Variants in DCTN4 observed in about 807,000 individuals in gnomAD.
DCTN4 encodes the protein dynactin 4 (p62).
Under a neutral mutation model 62.7 loss-of-function variants are expected in DCTN4, and 23 were observed. The observed-to-expected ratio is 0.37, with a 90% CI of 0.26 to 0.52. The LOEUF is 0.52. Among genes scored for constraint, DCTN4 ranks in the 20% least tolerant of loss-of-function variants. The pLI is 0.92. For missense variants in DCTN4, 514 were observed against 580.4 expected (o/e 0.89, Z 1.18); for synonymous variants, 199 against 202.1 (o/e 0.98, Z 0.13).
intron 1 of DCTN4, chr5:150,758,141 T>A: frequency 1.0e-6 from 1 of 985,570 alleles, no homozygotes; most frequent in Non-Finnish European, 1.2e-6. Flanking sequence ...GCTTACTGAA[T>A]AAACAAGATG....
At chr5:150,732,297 G>A (rs1453754411) in intron 5 of DCTN4, among the ~76,000 whole-genome samples, 2 of 152,132 alleles carry the variant, frequency 1.3e-5, no homozygotes, top group African/African-American at 2.4e-5. Context: ...TTATAGGCGT[G>A]CGCCACCATG....
At chr5:150,727,785 A>ACC (rs1393930685) in intron 8 of DCTN4, among the ~76,000 whole-genome samples, 11 of 150,388 alleles carry the variant, frequency 7.3e-5, no homozygotes, top group African/African-American at 2.7e-4. Flanking sequence ...CAAAAAAAAA[A>ACC]AAAAAAAAAA....
At chr5:150,742,069 AT>A in intron 4 of DCTN4, 44 bp downstream of exon 4, 1 of 1,574,836 alleles carries the variant, frequency 6.3e-7, no homozygotes, top group Non-Finnish European at 8.7e-7. Context: ...CTTTTACTCA[AT>A]TTTTTCCGAT....
At chr5:150,717,898 T>C (rs1236287064) in intron 11 of DCTN4, among the ~76,000 whole-genome samples, 1 of 152,212 alleles carries the variant, frequency 6.6e-6, no homozygotes, top group Non-Finnish European at 1.5e-5. Flanking sequence ...GTAATGTCAT[T>C]AAGCAGCTCT....
intron 3 of DCTN4, 65 bp downstream of exon 3, chr5:150,753,414 A>C (rs1032331450): frequency 6.9e-7 from 1 of 1,447,510 alleles, no homozygotes; most frequent in Admixed American, 1.9e-5. Context: ...CAGAAATAAT[A>C]ATCTATGGGC....
In DCTN4 at chr5:150,714,092, T is replaced by G. The variant is rs186229188; in HGVS notation, c.1169+1473A>C. Among the ~76,000 whole-genome samples the G allele has an allele frequency of 7.6e-4, 115 of 152,310 alleles. 1 individual carries two copies. The highest frequency in any genetic ancestry group is 1.2e-4 in the Non-Finnish European group (8 of 68,034). ...GAGATCACGCCATTGCACTCCAGCC[T>G]GGGCGACAGAGACTCCTTCTCTAAA... On this transcript the variant is annotated intron_variant, in intron 12 of 12. Coordinates refer to ENST00000447998, the MANE Select transcript of DCTN4 (RefSeq NM_016221.4).
At chr5:150,734,838 G>C (rs1165760415) in intron 4 of DCTN4, among the ~76,000 whole-genome samples, 1 of 152,198 alleles carries the variant, frequency 6.6e-6, no homozygotes, top group Non-Finnish European at 1.5e-5. Flanking sequence ...TGGCTGCATG[G>C]GAGCTGGGTG....
In DCTN4 at chr5:150,717,288, C is replaced by T. The variant is rs554644853; in HGVS notation, c.1071+988G>A. ...TTTTGAGATGGAGTCTCACCTCAGC[C>T]GCCCAGGCTGGAGTGCAGTGGCGCG... On this transcript the variant is annotated intron_variant, in intron 11 of 12. Transcript: ENST00000447998. 3.3e-5 allele frequency among the ~76,000 whole-genome samples: 5 copies of T among 152,196 alleles called. No individual in the cohort carries two copies. The East Asian group carries it at 9.7e-4, about 29-fold the overall frequency.
At chr5:150,726,566 A>G (rs1192312606) in intron 8 of DCTN4, among the ~76,000 whole-genome samples, 2 of 152,246 alleles carry the variant, frequency 1.3e-5, no homozygotes, top group East Asian at 3.8e-4. Context: ...TGTTTTTAAT[A>G]GTATCAGCTG....
At chr5:150,756,627 C>T (rs569664317) in intron 1 of DCTN4, 140 bp from the exon 2 acceptor site, 6 of 365,148 alleles carry the variant, frequency 1.6e-5, no homozygotes, top group African/African-American at 8.0e-5. Flanking sequence ...GTTTATTCTT[C>T]TTCAGTCACC....
At chr5:150,747,451 T>C (rs1318362284) in intron 3 of DCTN4, among the ~76,000 whole-genome samples, 1 of 152,160 alleles carries the variant, frequency 6.6e-6, no homozygotes, top group Non-Finnish European at 1.5e-5. Context: ...TTAAAGTTCA[T>C]ATGGAACTAA....
intron 6 of DCTN4, 36 bp downstream of exon 6, chr5:150,731,380 C>T: frequency 1.0e-5 from 16 of 1,528,168 alleles, no homozygotes; most frequent in Non-Finnish European, 1.4e-5. Context: ...TTGATACCTG[C>T]TGTTCTCCTC....
chr5:150,740,077 A>T (rs751164928), intron 4 of DCTN4, among the ~76,000 whole-genome samples: 4 of 152,068 alleles, frequency 2.6e-5, no homozygotes. Flanking sequence ...AATAAATGGA[A>T]CTTAAACTAA....
At chr5:150,717,880 A>C (rs1759823389) in intron 11 of DCTN4, among the ~76,000 whole-genome samples, 1 of 152,214 alleles carries the variant, frequency 6.6e-6, no homozygotes, top group African/African-American at 2.4e-5. Context: ...CACTGGAAGA[A>C]CAGAGAAGTA....
intron 9 of DCTN4, among the ~76,000 whole-genome samples, chr5:150,722,616 T>C (rs1476137129): frequency 6.6e-6 from 1 of 152,218 alleles, no homozygotes; most frequent in Non-Finnish European, 1.5e-5. Flanking sequence ...TCAGATACTT[T>C]ATAATTTGTA....
intron 4 of DCTN4, chr5:150,736,263 C>CTTGAGA (rs1261823943): frequency 6.6e-5 from 10 of 152,126 alleles, no homozygotes; most frequent in Admixed American, 6.6e-4. Context: ...CAAAGAACAC[C>CTTGAGA]TGAGAAATTC....
At chr5:150,728,857 C>T (rs1760248884) in intron 8 of DCTN4, among the ~76,000 whole-genome samples, 1 of 151,330 alleles carries the variant, frequency 6.6e-6, no homozygotes, top group African/African-American at 2.4e-5. Flanking sequence ...GGATTTTAAT[C>T]TACTATCTTA....
Position 150,733,487 on chromosome 5 carries a change from T to C in DCTN4, c.430-12A>G. The C allele has an allele frequency of 3.8e-6, 6 of 1,598,556 alleles. No homozygotes were observed. The highest frequency in any genetic ancestry group is 5.1e-6 in the Non-Finnish European group (6 of 1,166,564). On this transcript the variant is annotated splice_polypyrimidine_tract_variant and intron_variant, in intron 4 of 12. Transcript: ENST00000447998. ...ATCAATTTGTTCATCTGTAAGAAAA[T>C]CACAGACTCAGTACACAAAAAAGCT...
intron 3 of DCTN4, among the ~76,000 whole-genome samples, chr5:150,750,668 G>T (rs191070300): frequency 6.6e-6 from 1 of 152,180 alleles, no homozygotes. Flanking sequence ...GATATATACA[G>T]TATGTTTTCA....
Sources: allele counts gnomAD v4.1 joint callset (sites outside exome capture counted in the v4.1 genomes callset), GRCh38; gene constraint gnomAD v4.1.1; transcripts MANE v1.5; gene names NCBI Gene and HGNC (gene_info 2026-07-23, HGNC 2026-07-21).